Variants in PPP2R5C observed in about 807,000 individuals in gnomAD.
PPP2R5C encodes serine/threonine-protein phosphatase 2A 56 kDa regulatory subunit gamma isoform.
In PPP2R5C, 7 loss-of-function variants were observed where a neutral mutation model predicts 68.9. That is an observed-to-expected ratio of 0.10 (90% CI 0.06 to 0.19). PPP2R5C has a LOEUF of 0.19. Ranked by LOEUF, PPP2R5C falls within the 10% of genes least tolerant of loss-of-function variation. PPP2R5C has a pLI of 1.00. For synonymous variants in PPP2R5C, 210 were observed against 222.2 expected (o/e 0.95, Z 0.49); for missense variants, 348 against 641.3 (o/e 0.54, Z 4.94).
At chr14:101,914,676 G>A (rs1324247427) in intron 12 of PPP2R5C, 6 of 155,872 alleles carry the variant, frequency 3.8e-5, no homozygotes, top group African/African-American at 1.4e-4. Context: ...AGCAGGCGTT[G>A]GGGACCCGGG....
chr14:101,901,146 T>C (rs921371392), intron 8 of PPP2R5C, among the ~76,000 whole-genome samples: 2 of 152,226 alleles, frequency 1.3e-5, no homozygotes, highest in African/African-American at 4.8e-5. Context: ...ATGGGTTGTG[T>C]ACACGTGGCC....
chr14:101,861,617 T>C (rs2042741767), intron 2 of PPP2R5C, among the ~76,000 whole-genome samples: 1 of 152,226 alleles, frequency 6.6e-6, no homozygotes, highest in African/African-American at 2.4e-5. Flanking sequence ...TCATGACCCT[T>C]GTGCACACAT....
At chr14:101,865,957 G>A (rs138076036) in intron 2 of PPP2R5C, among the ~76,000 whole-genome samples, 1 of 152,214 alleles carries the variant, frequency 6.6e-6, no homozygotes, top group Non-Finnish European at 1.5e-5. Flanking sequence ...CTGGAGTGCA[G>A]TGGCGTAATC....
chr14:101,796,051 G>A (rs925922404), intron 3 of PPP2R5C, among the ~76,000 whole-genome samples: 3 of 152,064 alleles, frequency 2.0e-5, no homozygotes, highest in African/African-American at 7.2e-5. Flanking sequence ...TCGAACTCCT[G>A]GGCTCAAGTG....
chr14:101,898,575 G>A (rs2141009467), intron 8 of PPP2R5C, among the ~76,000 whole-genome samples: 1 of 152,326 alleles, frequency 6.6e-6, no homozygotes. Context: ...GAGGGCAAGA[G>A]ACCCCGTGCC....
upstream of PPP2R5C, chr14:101,761,831 C>CGCT: frequency 1.0e-6 from 1 of 979,402 alleles, no homozygotes; most frequent in Non-Finnish European, 1.2e-6. Context: ...GGGGCGGGGG[C>CGCT]GCTGCTGCTG....
chr14:101,852,469 C>CTTTTTTTTTT (rs559509845), intron 1 of PPP2R5C, among the ~76,000 whole-genome samples: 6 of 115,108 alleles, frequency 5.2e-5, no homozygotes, highest in Non-Finnish European at 9.0e-5. Flanking sequence ...TTTTCTTTTT[C>CTTTTTTTTTT]TTTTTTTTTT....
exon 14 of PPP2R5C, chr14:101,927,480 G>A (rs77411489): frequency 0.026 from 3,980 of 152,672 alleles, 104 homozygotes; most frequent in African/African-American, 0.069. Context: ...GATTTCAAAA[G>A]TACTACATTG....
chr14:101,761,799 C>T, upstream of PPP2R5C: 1 of 903,270 alleles, frequency 1.1e-6, no homozygotes, highest in Non-Finnish European at 1.3e-6. Context: ...GCGGCGGCGG[C>T]GGCCGCGGGG....
intron 10 of PPP2R5C, among the ~76,000 whole-genome samples, chr14:101,908,058 G>T (rs1274186026): frequency 2.0e-5 from 3 of 152,170 alleles, no homozygotes; most frequent in African/African-American, 7.2e-5. Flanking sequence ...GTCTGAACCC[G>T]GGGAAGTTAG....
At chr14:101,809,402 A>AAC (rs1168792715), upstream of PPP2R5C, among the ~76,000 whole-genome samples, 1 of 150,856 alleles carries the variant, frequency 6.6e-6, no homozygotes, top group African/African-American at 2.5e-5. Context: ...TAAAAAAAAA[A>AAC]AACAAAAAAA....
At chr14:101,811,806 A>G (rs2140197862) in intron 1 of PPP2R5C, among the ~76,000 whole-genome samples, 1 of 152,238 alleles carries the variant, frequency 6.6e-6, no homozygotes, top group African/African-American at 2.4e-5. Flanking sequence ...CAGTTTTTGA[A>G]TTATGAACTT....
chr14:101,837,495 AC>A (rs1488417593), intron 1 of PPP2R5C, among the ~76,000 whole-genome samples: 1 of 152,224 alleles, frequency 6.6e-6, no homozygotes, highest in African/African-American at 2.4e-5. Flanking sequence ...TACAGAGGAA[AC>A]CGATGTGATT....
At position 101,882,283 on chromosome 14, in the gene PPP2R5C, T is replaced by C; in HGVS notation, c.405+12T>C. 6.3e-7 allele frequency: 1 copy of C among 1,588,036 alleles called. No homozygotes were observed. Among genetic ancestry groups the C allele is most frequent in the African/African-American group, 1.3e-5 (1 of 74,218 alleles). On this transcript the variant is annotated intron_variant, in intron 3 of 13. Transcript: ENST00000334743. This position sits in a 1 kb window ranked among gnomAD's most constrained non-coding sequence, Gnocchi z 4.9. ...GGCCTCATCTACAGGTATCGGGCTCTGGGTGATAGACTCGGAGGGCACTGG... is the reference window on the plus strand; with the variant it reads ...GGCCTCATCTACAGGTATCGGGCTCCGGGTGATAGACTCGGAGGGCACTGG...
intron 8 of PPP2R5C, among the ~76,000 whole-genome samples, 159 bp downstream of exon 10, chr14:101,894,719 C>T (rs1199629098): frequency 6.6e-6 from 1 of 152,166 alleles, no homozygotes; most frequent in Non-Finnish European, 1.5e-5. Context: ...TATAGGTTTT[C>T]AAAGTATAGT....
chr14:101,897,226 A>G (rs2045388938), intron 8 of PPP2R5C, among the ~76,000 whole-genome samples: 1 of 152,172 alleles, frequency 6.6e-6, no homozygotes, highest in African/African-American at 2.4e-5. Flanking sequence ...AGGAGGTGTT[A>G]TTTTTATCCT....
At chr14:101,827,668 G>A (rs1258117409) in intron 1 of PPP2R5C, among the ~76,000 whole-genome samples, 1 of 152,212 alleles carries the variant, frequency 6.6e-6, no homozygotes, top group Non-Finnish European at 1.5e-5. Context: ...TTTACAGGAT[G>A]AAATCCATTA....
intron 9 of PPP2R5C, 106 bp downstream of exon 11, chr14:101,901,995 G>A (rs1008220662): frequency 7.6e-7 from 1 of 1,316,176 alleles, no homozygotes; most frequent in Non-Finnish European, 1.0e-6. Context: ...CAATTTAAAG[G>A]TAAAATCCAA....
chr14:101,852,752 G>A (rs1411253608), intron 1 of PPP2R5C, among the ~76,000 whole-genome samples: 2 of 152,022 alleles, frequency 1.3e-5, no homozygotes, highest in African/African-American at 4.8e-5. Flanking sequence ...GATTACAGAC[G>A]TGAGCCACCG....
Sources: gnomAD v4.1 joint callset for allele counts (sites outside exome capture counted in the v4.1 genomes callset) on GRCh38, gnomAD v4.1.1 for gene constraint, Gnocchi (gnomAD v3.1) non-coding constraint, MANE v1.5 for transcripts, NCBI Gene and HGNC (gene_info 2026-07-23, HGNC 2026-07-21) for gene names.